The following FKBP5 variants were observed in gnomAD, a reference collection of about 807,000 sequenced individuals.
FKBP5 encodes the protein FKBP prolyl isomerase 5.
A neutral mutation model predicts 50.5 loss-of-function variants in FKBP5; 23 were observed. That is an observed-to-expected ratio of 0.46 (90% CI 0.33 to 0.65). The LOEUF is 0.65. FKBP5 is among the 30% of genes least tolerant of loss of function. FKBP5 has a pLI of 0.02. For missense variants in FKBP5, 411 were observed against 553.1 expected (o/e 0.74, Z 2.58); for synonymous variants, 176 against 190.6 (o/e 0.92, Z 0.63).
At chr6:35,642,159 A>G (rs957052728) in intron 2 of FKBP5, among the ~76,000 whole-genome samples, 5 of 152,180 alleles carry the variant, frequency 3.3e-5, no homozygotes, top group African/African-American at 1.2e-4. Context: ...GTATACTCTG[A>G]GAATAGGGAA....
intron 8 of FKBP5, chr6:35,586,806 G>A: frequency 7.1e-7 from 1 of 1,408,364 alleles, no homozygotes; most frequent in Non-Finnish European, 9.2e-7. Flanking sequence ...CTGTATGGAA[G>A]GTTACAATCT....
At chr6:35,636,327 G>C (rs1369191516) in intron 3 of FKBP5, among the ~76,000 whole-genome samples, 1 of 152,138 alleles carries the variant, frequency 6.6e-6, no homozygotes, top group Non-Finnish European at 1.5e-5. Context: ...GTTTTTCCTT[G>C]AAGTGACAGA....
In FKBP5 at chr6:35,619,059, C is replaced by T. The variant is rs1232755676; in HGVS notation, c.508+37G>A. 4.2e-6 allele frequency: 6 copies of T among 1,432,890 alleles called. No homozygotes were observed. The South Asian group carries it at 4.7e-5, about 11-fold the overall frequency. 88.8% of individuals were successfully genotyped at this position (1,432,890 alleles called of 1,614,324 possible). The stretch of plus-strand genomic sequence containing the variant: ...CATTTCGTCCACATAAATGGCCCAA[C>T]TTTTAAGGACTAGTTCCCTCTTACT... On this transcript the variant is annotated intron_variant, in intron 5 of 10. Coordinates refer to ENST00000357266, the MANE Select transcript of FKBP5 (RefSeq NM_004117.4).
rs1001569640 is a variant in FKBP5, at chr6:35,658,968, G to C, written c.-19-16125C>G. 1.7e-4 allele frequency among the ~76,000 whole-genome samples: 14 copies of C among 83,550 alleles called. 6 individuals are homozygous for C. The highest frequency in any genetic ancestry group is 7.4e-4 in the Admixed American group (6 of 8,056). The allele number at this position is 83,550 out of a possible 152,430, so 54.8% of individuals were successfully genotyped here. On this transcript the variant is annotated intron_variant, in intron 1 of 10. Coordinates refer to ENST00000357266, the MANE Select transcript of FKBP5 (RefSeq NM_004117.4). ...ACACCTGTAGTCCCAGCTACTCAGA[G>C]GCTGAGGTGGGAAGACGGCTTGAGC...
rs1762378408 is a variant in FKBP5 at position 35,580,141 on chromosome 6, C to T, written c.921G>A (p.Lys307=). The change falls in exon 9 of 11, where the codon AAG becomes AAA. Residue 307 remains lysine, a synonymous_variant. Coordinates refer to ENST00000357266, the MANE Select transcript of FKBP5 (RefSeq NM_004117.4). ...WLEMEYGLSE[K]ESKASESFLL... is the part of the protein sequence containing the mutation. Reference sequence around the variant, plus strand: ...GAAATGATTCAGAAGCTTTCGATTCCTTTTCTGATAAACCATATTCCATCT... The same window carrying T: ...GAAATGATTCAGAAGCTTTCGATTCTTTTTCTGATAAACCATATTCCATCT... 6.2e-7 allele frequency: 1 copy of T among 1,613,942 alleles called. No homozygotes were observed. Among genetic ancestry groups the T allele is most frequent in the Non-Finnish European group, 8.5e-7 (1 of 1,179,912 alleles).
At chr6:35,605,061 G>A (rs1419242061) in intron 5 of FKBP5, among the ~76,000 whole-genome samples, 2 of 152,232 alleles carry the variant, frequency 1.3e-5, no homozygotes, top group South Asian at 4.1e-4. Flanking sequence ...GGGATTACAG[G>A]CGTGAGCCAC....
intron 1 of FKBP5, among the ~76,000 whole-genome samples, chr6:35,672,169 C>CT (rs1280776652): frequency 5.9e-5 from 9 of 152,174 alleles, no homozygotes; most frequent in Admixed American, 2.6e-4. Flanking sequence ...TGACCGGCCA[C>CT]TATCTTCTCG....
At chr6:35,692,981 T>G (rs1766016778), upstream of FKBP5, among the ~76,000 whole-genome samples, 1 of 150,648 alleles carries the variant, frequency 6.6e-6, no homozygotes, top group Non-Finnish European at 1.5e-5. Context: ...ACCTTCTTAC[T>G]TCATCCCTTT....
intron 6 of FKBP5, among the ~76,000 whole-genome samples, chr6:35,594,530 G>A (rs1393019717): frequency 6.6e-6 from 1 of 152,174 alleles, no homozygotes; most frequent in Non-Finnish European, 1.5e-5. Flanking sequence ...TTTTATGAAA[G>A]TGGGAAGCTG....
At chr6:35,595,027 T>A (rs1253033077) in intron 6 of FKBP5, among the ~76,000 whole-genome samples, 2 of 152,182 alleles carry the variant, frequency 1.3e-5, no homozygotes, top group African/African-American at 4.8e-5. Flanking sequence ...TGCGGGCTCA[T>A]GTGTGCCCTA....
chr6:35,591,378 A>T (rs1447441169), intron 6 of FKBP5, among the ~76,000 whole-genome samples, 158 bp from the exon 7 acceptor site: 1 of 152,230 alleles, frequency 6.6e-6, no homozygotes, highest in African/African-American at 2.4e-5. Context: ...TACAGTGTGA[A>T]GTATCTTCAC....
At chr6:35,711,317 G>GA (rs56377841) in intron 2 of FKBP5, among the ~76,000 whole-genome samples, 284 of 132,906 alleles carry the variant, frequency 2.1e-3, no homozygotes, top group Middle Eastern at 7.6e-3. Flanking sequence ...TGTCTCAAAA[G>GA]AAAAAAAAAA....
chr6:35,598,823 T>A (rs1001791258), intron 5 of FKBP5, among the ~76,000 whole-genome samples: 1 of 151,758 alleles, frequency 6.6e-6, no homozygotes, highest in Non-Finnish European at 1.5e-5. Context: ...ATACAAAAAA[T>A]AGCCAGGTGT....
At chr6:35,643,997 G>A (rs1330632553) in intron 1 of FKBP5, among the ~76,000 whole-genome samples, 1 of 152,170 alleles carries the variant, frequency 6.6e-6, no homozygotes, top group Non-Finnish European at 1.5e-5. Flanking sequence ...GCTGTTTGAT[G>A]TTGGCTACCT....
At chr6:35,661,607 C>G (rs1396367165) in intron 1 of FKBP5, among the ~76,000 whole-genome samples, 1 of 80,256 alleles carries the variant, frequency 1.2e-5, no homozygotes. Context: ...CCCGTCTCCA[C>G]TAAAAATACA....
chr6:35,711,109 C>G (rs941655149), intron 2 of FKBP5, among the ~76,000 whole-genome samples: 1 of 151,900 alleles, frequency 6.6e-6, no homozygotes, highest in Non-Finnish European at 1.5e-5. Context: ...GGCTTGAGTC[C>G]GCGAAGTCAA....
chr6:35,676,468 TTAAG>T (rs1274243136), intron 1 of FKBP5, among the ~76,000 whole-genome samples: 4 of 152,158 alleles, frequency 2.6e-5, no homozygotes, highest in Admixed American at 6.5e-5. Flanking sequence ...CTCGGAATGG[TTAAG>T]TAATTTTAAC....
chr6:35,706,893 T>A (rs1308643944), intron 2 of FKBP5, among the ~76,000 whole-genome samples: 1 of 152,250 alleles, frequency 6.6e-6, no homozygotes, highest in Non-Finnish European at 1.5e-5. Context: ...GAATATGGTA[T>A]GTATCTATGT....
At chr6:35,600,018 T>A (rs1315083137) in intron 5 of FKBP5, among the ~76,000 whole-genome samples, 1 of 152,208 alleles carries the variant, frequency 6.6e-6, no homozygotes, top group Non-Finnish European at 1.5e-5. Flanking sequence ...CTAAGTGGTA[T>A]AGCATATTGC....
Sources: allele counts gnomAD v4.1 joint callset (sites outside exome capture counted in the v4.1 genomes callset), GRCh38; gene constraint gnomAD v4.1.1; transcripts MANE v1.5; gene names NCBI Gene and HGNC (gene_info 2026-07-23, HGNC 2026-07-21).